SSBP2: variants seen among roughly 807,000 people sequenced by gnomAD.
SSBP2 encodes single stranded DNA binding protein 2, also known as single-stranded DNA-binding protein 2.
A neutral mutation model predicts 61.8 loss-of-function variants in SSBP2; 17 were observed. That is an observed-to-expected ratio of 0.28 (90% confidence interval 0.19 to 0.41). The LOEUF is 0.41. Among genes scored for constraint, SSBP2 ranks in the 10% least tolerant of loss-of-function variants. SSBP2 has a pLI of 1.00. For missense variants in SSBP2, 310 were observed against 458.7 expected (o/e 0.68, Z 2.96); for synonymous variants, 139 against 141.3 (o/e 0.98, Z 0.12).
intron 1 of SSBP2, among the ~76,000 whole-genome samples, chr5:81,662,818 G>GA (rs1401443877): frequency 1.3e-5 from 2 of 151,314 alleles, no homozygotes; most frequent in Non-Finnish European, 3.0e-5. Context: ...GAAACAAAAA[G>GA]AAAAAAAAGA....
intron 12 of SSBP2, among the ~76,000 whole-genome samples, chr5:81,446,147 T>C (rs1580705444): frequency 6.6e-6 from 1 of 152,206 alleles, no homozygotes; most frequent in African/African-American, 2.4e-5. Context: ...ATTAGAAGTA[T>C]AGAGTCACAT....
intron 4 of SSBP2, among the ~76,000 whole-genome samples, chr5:81,588,223 A>G (rs1021750286): frequency 9.2e-5 from 14 of 152,052 alleles, no homozygotes; most frequent in African/African-American, 3.4e-4. Flanking sequence ...GATTACAGGC[A>G]TGAGCCACCA....
chr5:81,566,107 A>G (rs1038417626), intron 4 of SSBP2, among the ~76,000 whole-genome samples: 1 of 152,186 alleles, frequency 6.6e-6, no homozygotes, highest in African/African-American at 2.4e-5. Context: ...AAACTTTTGG[A>G]TTATTTATTT....
chr5:81,455,209 T>C (rs1239625728), intron 10 of SSBP2, among the ~76,000 whole-genome samples: 1 of 152,206 alleles, frequency 6.6e-6, no homozygotes, highest in African/African-American at 2.4e-5. Flanking sequence ...TGCCTACCTT[T>C]ACACCTGCTT....
At chr5:81,653,100 C>T (rs1223162822) in intron 1 of SSBP2, among the ~76,000 whole-genome samples, 1 of 152,058 alleles carries the variant, frequency 6.6e-6, no homozygotes, top group African/African-American at 2.4e-5. Context: ...CTCCCTTACC[C>T]CCTCACCCAC....
chr5:81,495,053 A>G (rs572771340), intron 5 of SSBP2, among the ~76,000 whole-genome samples: 1 of 152,246 alleles, frequency 6.6e-6, no homozygotes, highest in South Asian at 2.1e-4. Context: ...TGCTAGCACA[A>G]AAGCAGTAGT....
At chr5:81,695,418 T>C (rs1303544941) in intron 1 of SSBP2, among the ~76,000 whole-genome samples, 2 of 152,118 alleles carry the variant, frequency 1.3e-5, no homozygotes, top group Non-Finnish European at 1.5e-5. Flanking sequence ...GTTACATATG[T>C]ATACATGTGC....
intron 4 of SSBP2, among the ~76,000 whole-genome samples, chr5:81,563,789 C>G (rs1446345529): frequency 6.6e-6 from 1 of 152,042 alleles, no homozygotes; most frequent in African/African-American, 2.4e-5. Flanking sequence ...AACCATAAAA[C>G]TACTAGAGAA....
At chr5:81,728,579 T>C (rs1756046549) in intron 1 of SSBP2, among the ~76,000 whole-genome samples, 1 of 152,218 alleles carries the variant, frequency 6.6e-6, no homozygotes, top group Non-Finnish European at 1.5e-5. Context: ...AAAATGGATA[T>C]AATGCCTGAC....
chr5:81,692,527 A>G (rs746306131), intron 1 of SSBP2, among the ~76,000 whole-genome samples: 2 of 152,194 alleles, frequency 1.3e-5, no homozygotes, highest in African/African-American at 2.4e-5. Context: ...ATATAGAACC[A>G]CAAAAGATTC....
intron 4 of SSBP2, among the ~76,000 whole-genome samples, chr5:81,532,118 G>A (rs1770459840): frequency 6.6e-6 from 1 of 152,026 alleles, no homozygotes; most frequent in Non-Finnish European, 1.5e-5. Flanking sequence ...GGCATATACA[G>A]AGCCAAGTTT....
chr5:81,443,549 T>C (rs1319383436), intron 12 of SSBP2, among the ~76,000 whole-genome samples: 1 of 152,178 alleles, frequency 6.6e-6, no homozygotes, highest in Non-Finnish European at 1.5e-5. Flanking sequence ...AAATATAATG[T>C]AGTAGGCCTC....
chr5:81,705,920 G>T (rs1264743808), intron 1 of SSBP2, among the ~76,000 whole-genome samples: 7 of 152,184 alleles, frequency 4.6e-5, no homozygotes, highest in African/African-American at 1.7e-4. Flanking sequence ...CTCAGCCACT[G>T]TGGAAAGCAG....
intron 1 of SSBP2, among the ~76,000 whole-genome samples, chr5:81,725,549 C>T (rs924294397): frequency 9.2e-5 from 14 of 152,016 alleles, no homozygotes; most frequent in Non-Finnish European, 1.9e-4. Context: ...CATAAGAGGA[C>T]ATGTATGAAA....
intron 1 of SSBP2, among the ~76,000 whole-genome samples, chr5:81,701,517 A>G (rs1753982304): frequency 6.6e-6 from 1 of 152,240 alleles, no homozygotes; most frequent in South Asian, 2.1e-4. Context: ...TGTAAAAAAT[A>G]ATATTGTCTA....
chr5:81,526,408 C>T (rs893397822), intron 4 of SSBP2, among the ~76,000 whole-genome samples: 6 of 151,942 alleles, frequency 3.9e-5, no homozygotes, highest in African/African-American at 1.4e-4. Flanking sequence ...TACTGCAGCA[C>T]ATTCTTTTGG....
chr5:81,646,688 ATTTTT>A (rs68107334), intron 2 of SSBP2, among the ~76,000 whole-genome samples: 8,659 of 86,100 alleles, frequency 0.1, 270 homozygotes, highest in African/African-American at 0.14. Flanking sequence ...TGATGATGTC[ATTTTT>A]TTTTTTTTTT....
At chr5:81,576,790 G>C (rs1774248099) in intron 4 of SSBP2, among the ~76,000 whole-genome samples, 1 of 152,084 alleles carries the variant, frequency 6.6e-6, no homozygotes, top group African/African-American at 2.4e-5. Context: ...GTGCCTTTCA[G>C]AGAGTTCATC....
chr5:81,652,854 G>A (rs917079913), intron 1 of SSBP2, among the ~76,000 whole-genome samples: 1 of 151,646 alleles, frequency 6.6e-6, no homozygotes, highest in Non-Finnish European at 1.5e-5. Flanking sequence ...CCCATCACCC[G>A]AGTAGCATAC....
Sources: gnomAD v4.1 joint callset for allele counts (sites outside exome capture counted in the v4.1 genomes callset) on GRCh38, gnomAD v4.1.1 for gene constraint, MANE v1.5 for transcripts, NCBI Gene and HGNC (gene_info 2026-07-23, HGNC 2026-07-21) for gene names.